CDH8: variants seen among roughly 807,000 people sequenced by gnomAD.
CDH8 encodes cadherin-8.
A neutral mutation model predicts 68.1 loss-of-function variants in CDH8; 17 were observed. The ratio of observed to expected loss-of-function variants is 0.25; its 90% CI spans 0.17 to 0.37. The LOEUF is 0.37. Ranked by LOEUF, CDH8 falls within the 10% of genes least tolerant of loss-of-function variation. The pLI is 1.00. For missense variants in CDH8, 763 were observed against 999.3 expected (o/e 0.76, Z 3.19); for synonymous variants, 372 against 365.1 (o/e 1.02, Z -0.21).
Position 61,763,377 on chromosome 16 carries a change from C to T in CDH8, c.1414+25969G>A, listed in dbSNP as rs866641893. Among the ~76,000 whole-genome samples, 241 of 152,272 alleles carry T rather than the reference C, an allele frequency of 1.6e-3. 1 individual carries two copies. The highest frequency in any genetic ancestry group is 5.7e-3 in the African/African-American group (236 of 41,552). Reference sequence around the variant, plus strand: ...ATAACAGGAACTTCAAATCTACCACCCTAGGATTTTCTGGCTTCAGGATAG... The same window carrying T: ...ATAACAGGAACTTCAAATCTACCACTCTAGGATTTTCTGGCTTCAGGATAG... On this transcript the variant is annotated intron_variant, in intron 8 of 11. Coordinates refer to ENST00000577390, the MANE Select transcript of CDH8 (RefSeq NM_001796.5).
At chr16:61,829,669 C>T (rs1435785069) in intron 4 of CDH8, among the ~76,000 whole-genome samples, 1 of 151,814 alleles carries the variant, frequency 6.6e-6, no homozygotes, top group Admixed American at 6.6e-5. Context: ...CTCCTCTTTC[C>T]TTCCACAACA....
At chr16:61,803,788 C>T (rs1432729942) in intron 7 of CDH8, among the ~76,000 whole-genome samples, 2 of 137,324 alleles carry the variant, frequency 1.5e-5, no homozygotes, top group East Asian at 2.0e-4. Flanking sequence ...TATATATGCA[C>T]CCAATACAGG....
chr16:61,885,280 C>T (rs1647047985), intron 3 of CDH8, among the ~76,000 whole-genome samples: 1 of 152,264 alleles, frequency 6.6e-6, no homozygotes, highest in African/African-American at 2.4e-5. Context: ...GGTATACAAA[C>T]CTGTTCAGCT....
chr16:61,814,821 C>T (rs1042952344), intron 7 of CDH8, among the ~76,000 whole-genome samples: 1 of 152,142 alleles, frequency 6.6e-6, no homozygotes, highest in Non-Finnish European at 1.5e-5. Flanking sequence ...TAATTTTCTT[C>T]TGAAATTAAC....
intron 8 of CDH8, among the ~76,000 whole-genome samples, chr16:61,779,071 A>G (rs9926466): frequency 0.22 from 33,103 of 152,060 alleles, 4,116 homozygotes; most frequent in African/African-American, 0.35. Context: ...TTAACGGGCA[A>G]TTATATGCTT....
At chr16:61,729,223 G>A (rs746816050) in intron 8 of CDH8, among the ~76,000 whole-genome samples, 40 of 150,890 alleles carry the variant, frequency 2.7e-4, no homozygotes, top group Non-Finnish European at 4.6e-4. Flanking sequence ...TGCTCTTCCA[G>A]ACATAAGCCA....
chr16:61,916,187 A>G (rs1233044317), intron 2 of CDH8, among the ~76,000 whole-genome samples: 1 of 152,216 alleles, frequency 6.6e-6, no homozygotes, highest in Non-Finnish European at 1.5e-5. Flanking sequence ...GCATATGTGC[A>G]TTCACGACTT....
chr16:61,735,102 A>G (rs1365013560), intron 8 of CDH8, among the ~76,000 whole-genome samples: 2 of 151,734 alleles, frequency 1.3e-5, no homozygotes, highest in Non-Finnish European at 1.5e-5. Context: ...CTTCTCTTCT[A>G]TTTCTAATAA....
At chr16:61,799,606 TA>T (rs1173502067) in intron 7 of CDH8, among the ~76,000 whole-genome samples, 2 of 152,152 alleles carry the variant, frequency 1.3e-5, no homozygotes, top group Non-Finnish European at 2.9e-5. Flanking sequence ...TGTCACATAG[TA>T]AACTCTTATT....
intron 10 of CDH8, among the ~76,000 whole-genome samples, chr16:61,701,059 AAT>A (rs1160377150): frequency 6.6e-6 from 1 of 152,212 alleles, no homozygotes; most frequent in Non-Finnish European, 1.5e-5. Context: ...GAATAAATAA[AAT>A]AAGAAAGAAT....
chr16:61,804,242 C>T (rs1415465888), intron 7 of CDH8, among the ~76,000 whole-genome samples: 3 of 151,832 alleles, frequency 2.0e-5, no homozygotes, highest in African/African-American at 7.3e-5. Context: ...GAAATGAAGG[C>T]AGAAATAAAG....
chr16:61,968,579 T>G (rs1965291057), intron 2 of CDH8, among the ~76,000 whole-genome samples: 1 of 152,232 alleles, frequency 6.6e-6, no homozygotes, highest in South Asian at 2.1e-4. Flanking sequence ...AAGCCTAGCT[T>G]TTAGTATAAA....
intron 4 of CDH8, among the ~76,000 whole-genome samples, chr16:61,842,976 C>G (rs542182391): frequency 6.5e-4 from 99 of 152,204 alleles, no homozygotes; most frequent in African/African-American, 2.3e-3. Context: ...GTCAAAGTAA[C>G]AACCATACGT....
intron 2 of CDH8, among the ~76,000 whole-genome samples, chr16:61,942,546 G>A (rs6498814): frequency 6.6e-6 from 1 of 151,824 alleles, no homozygotes; most frequent in South Asian, 2.1e-4. Flanking sequence ...GAGAGGAAAC[G>A]GGCTAAGCTC....
In CDH8 at chr16:61,653,587, T is replaced by A. The variant is rs758423532; in HGVS notation, c.*21A>T. The stretch of plus-strand genomic sequence containing the variant: ...AATATTACAGAATGCTCAGTTCCAG[T>A]GATTTATTTATAATCCACTGTCAAG... On this transcript the variant is annotated 3_prime_UTR_variant, in exon 12 of 12. Transcript: ENST00000577390. 1.3e-6 allele frequency: 2 copies of A among 1,586,054 alleles called. No individual in the cohort carries two copies. The highest frequency in any genetic ancestry group is 1.7e-6 in the Non-Finnish European group (2 of 1,167,622).
chr16:61,931,258 G>A (rs768909188), intron 2 of CDH8, among the ~76,000 whole-genome samples: 4 of 152,030 alleles, frequency 2.6e-5, no homozygotes, highest in Non-Finnish European at 4.4e-5. Context: ...CGAACTCCTG[G>A]GTTCAATCTA....
chr16:61,846,279 T>G (rs892878070), intron 4 of CDH8, among the ~76,000 whole-genome samples: 3 of 152,124 alleles, frequency 2.0e-5, no homozygotes, highest in Admixed American at 6.6e-5. Context: ...GTTTCCTTTA[T>G]GACACTTTGG....
At chr16:61,869,282 G>A (rs759463998) in intron 3 of CDH8, among the ~76,000 whole-genome samples, 112 of 152,238 alleles carry the variant, frequency 7.4e-4, no homozygotes, top group Non-Finnish European at 1.0e-3. Context: ...GCCTACCAGG[G>A]AGAGGCACAG....
chr16:62,003,133 T>C (rs1003797305), intron 2 of CDH8, among the ~76,000 whole-genome samples: 1 of 152,182 alleles, frequency 6.6e-6, no homozygotes, highest in Non-Finnish European at 1.5e-5. Flanking sequence ...TATGGGGTTT[T>C]GGTAGTAAGC....
Sources: allele counts gnomAD v4.1 joint callset (sites outside exome capture counted in the v4.1 genomes callset), GRCh38; gene constraint gnomAD v4.1.1; transcripts MANE v1.5; gene names NCBI Gene and HGNC (gene_info 2026-07-23, HGNC 2026-07-21).